HIRA: variants seen among roughly 807,000 people sequenced by gnomAD.
The protein encoded by HIRA is histone cell cycle regulator.
Under a neutral mutation model 126.6 loss-of-function variants are expected in HIRA, and 13 were observed. The ratio of observed to expected loss-of-function variants is 0.10; its 90% CI spans 0.07 to 0.16. HIRA has a LOEUF of 0.16. Among genes scored for constraint, HIRA ranks in the 10% least tolerant of loss-of-function variants. The probability of loss-of-function intolerance (pLI) is 1.00; values close to 1 mark genes in which losing one functional copy is unlikely to be tolerated. For synonymous variants in HIRA, 511 were observed against 520.0 expected (o/e 0.98, Z 0.24); for missense variants, 834 against 1,314.4 (o/e 0.63, Z 5.65).
intron 10 of HIRA, among the ~76,000 whole-genome samples, 172 bp from the exon 11 acceptor site, chr22:19,387,988 C>T (rs1044863428): frequency 2.0e-5 from 3 of 150,852 alleles, no homozygotes; most frequent in South Asian, 4.2e-4. Context: ...GGGGAGGGGG[C>T]GACAATTGTA....
chr22:19,345,505 C>T (rs2088676221), intron 24 of HIRA, among the ~76,000 whole-genome samples: 1 of 152,178 alleles, frequency 6.6e-6, no homozygotes, highest in African/African-American at 2.4e-5. Flanking sequence ...AGCAGCAGTC[C>T]CCAACCTTTT....
chr22:19,370,061 G>C (rs2088951340), intron 15 of HIRA, among the ~76,000 whole-genome samples: 1 of 152,114 alleles, frequency 6.6e-6, no homozygotes, highest in Non-Finnish European at 1.5e-5. Context: ...TGCAATCTCT[G>C]CCTCCTGGGT....
rs1556009634 is a variant in HIRA, at chr22:19,348,547, G to A, written c.2937+2811C>T. On this transcript the variant is annotated intron_variant, in intron 24 of 24. Coordinates refer to ENST00000263208, the MANE Select transcript of HIRA (RefSeq NM_003325.4). The stretch of plus-strand genomic sequence containing the variant: ...GTCTCACCCTGTCGCCTGGGCTGGT[G>A]TGCAATGGCGCGATCTCGGCTCACT... Among the ~76,000 whole-genome samples the A allele has an allele frequency of 2.0e-5, 3 of 151,600 alleles. No individual in the cohort carries two copies. The South Asian group carries it at 6.2e-4, about 31-fold the overall frequency.
Position 19,375,406 on chromosome 22 carries a change from C to T in HIRA, c.1775+225G>A, listed in dbSNP as rs149873583. ...GCCTTTGACCTTGTGGTTCTTTTGC[C>T]GCGTCCTCCCCCATGACTCCTTCCA... On this transcript the variant is annotated intron_variant, in intron 15 of 24. Coordinates refer to ENST00000263208, the MANE Select transcript of HIRA (RefSeq NM_003325.4). Among the ~76,000 whole-genome samples, 732 of 152,292 alleles carry T rather than the reference C, an allele frequency of 4.8e-3. 24 individuals carry two copies. Among genetic ancestry groups the T allele is most frequent in the Admixed American group, 0.044 (670 of 15,304 alleles).
At chr22:19,424,546 T>C (rs1280080058) in intron 1 of HIRA, among the ~76,000 whole-genome samples, 1 of 152,214 alleles carries the variant, frequency 6.6e-6, no homozygotes, top group Non-Finnish European at 1.5e-5. Flanking sequence ...CCTGGTCCCA[T>C]GCTGTACCAC....
At chr22:19,385,096 T>C (rs1342542274) in intron 12 of HIRA, among the ~76,000 whole-genome samples, 4 of 152,156 alleles carry the variant, frequency 2.6e-5, no homozygotes, top group Non-Finnish European at 5.9e-5. Flanking sequence ...GGAGATGGTT[T>C]ATACTCCCCA....
At chr22:19,377,372 T>G (rs2089029320) in intron 14 of HIRA, among the ~76,000 whole-genome samples, 1 of 152,182 alleles carries the variant, frequency 6.6e-6, no homozygotes, top group African/African-American at 2.4e-5. Flanking sequence ...GCCTGGTTCT[T>G]TCTGATTTCT....
At chr22:19,422,336 C>T (rs1269738404) in intron 1 of HIRA, among the ~76,000 whole-genome samples, 1 of 151,960 alleles carries the variant, frequency 6.6e-6, no homozygotes, top group East Asian at 1.9e-4. Flanking sequence ...CATCACCATC[C>T]TGATCCAGAC....
At position 19,408,589 on chromosome 22, in the gene HIRA, C is replaced by T. The variant is rs754615901; in HGVS notation, c.105G>A (p.Gln35=). Residue 35 remains glutamine (Q), a synonymous_variant, in exon 3 of 25, where the codon CAG becomes CAA. Coordinates refer to ENST00000263208, the MANE Select transcript of HIRA (RefSeq NM_003325.4). ...GTKFATGGQG[Q]DSGKVVIWNM... ...TCCAGATCACAACCTTCCCAGAATC[C>T]TGCCCTGGAACAAAGGAGCAGAAAT... 8 of 1,601,290 alleles carry T rather than the reference C, an allele frequency of 5.0e-6. No homozygotes were observed. The highest frequency in any genetic ancestry group is 6.8e-6 in the Non-Finnish European group (8 of 1,168,466).
At chr22:19,373,030 C>G (rs1338537076) in intron 15 of HIRA, among the ~76,000 whole-genome samples, 2 of 152,118 alleles carry the variant, frequency 1.3e-5, no homozygotes, top group East Asian at 3.9e-4. Flanking sequence ...TTGATGAAGT[C>G]CAATTTATCG....
In HIRA at chr22:19,331,050, C is replaced by A. The variant is rs1418491244; in HGVS notation, c.*390G>T. On this transcript the variant is annotated 3_prime_UTR_variant, in exon 25 of 25. Coordinates refer to ENST00000263208, the MANE Select transcript of HIRA (RefSeq NM_003325.4). ...AGTCTGCTGTAATACCTAACGCTTC[C>A]GGATTCTCTCTCACAAATGGCTCAA... The A allele has an allele frequency of 1.9e-5, 18 of 949,792 alleles. No individual in the cohort carries two copies. Among genetic ancestry groups the A allele is most frequent in the African/African-American group, 1.2e-4 (7 of 58,170 alleles). The allele number at this position is 949,792 out of a possible 1,614,324, so 58.8% of individuals were successfully genotyped here.
chr22:19,408,658 G>A, intron 2 of HIRA, 65 bp from the exon 3 acceptor site: 3 of 893,028 alleles, frequency 3.4e-6, no homozygotes, highest in Non-Finnish European at 5.6e-6. Flanking sequence ...AATATTTAAT[G>A]TCAAATTAAA....
chr22:19,363,546 G>T (rs1396707615), intron 15 of HIRA, among the ~76,000 whole-genome samples: 1 of 152,214 alleles, frequency 6.6e-6, no homozygotes, highest in East Asian at 1.9e-4. Flanking sequence ...AAGATCAGTG[G>T]TTTCCAGGGG....
intron 18 of HIRA, among the ~76,000 whole-genome samples, chr22:19,357,728 C>G (rs1556013123): frequency 6.6e-6 from 1 of 152,112 alleles, no homozygotes; most frequent in South Asian, 2.1e-4. Context: ...GATGTACAGC[C>G]AGTACAGTGA....
At chr22:19,380,782 C>G (rs2089065827) in intron 13 of HIRA, among the ~76,000 whole-genome samples, 1 of 152,126 alleles carries the variant, frequency 6.6e-6, no homozygotes, top group Non-Finnish European at 1.5e-5. Flanking sequence ...CACCACCACT[C>G]CCAGCTAATT....
intron 2 of HIRA, among the ~76,000 whole-genome samples, chr22:19,410,110 A>G (rs2089340429): frequency 6.6e-6 from 1 of 152,210 alleles, no homozygotes; most frequent in Non-Finnish European, 1.5e-5. Context: ...TTGTGTCACT[A>G]TATATACATC....
chr22:19,378,127 T>A, intron 13 of HIRA, 61 bp from the exon 14 acceptor site: 1 of 1,279,884 alleles, frequency 7.8e-7, no homozygotes, highest in Non-Finnish European at 1.0e-6. Context: ...CAGTACTTTA[T>A]ACATTCAAAT....
At chr22:19,369,916 G>A (rs570625692) in intron 15 of HIRA, among the ~76,000 whole-genome samples, 4 of 152,292 alleles carry the variant, frequency 2.6e-5, no homozygotes, top group African/African-American at 4.8e-5. Context: ...GCGACACAGC[G>A]AGACTCTGTC....
chr22:19,423,292 T>C (rs1164568474), intron 1 of HIRA, among the ~76,000 whole-genome samples: 1 of 152,126 alleles, frequency 6.6e-6, no homozygotes, highest in Non-Finnish European at 1.5e-5. Flanking sequence ...GATTCCGCTA[T>C]GTGTCTCACC....
Sources: gnomAD v4.1 joint callset for allele counts (sites outside exome capture counted in the v4.1 genomes callset) on GRCh38, gnomAD v4.1.1 for gene constraint, MANE v1.5 for transcripts, NCBI Gene and HGNC (gene_info 2026-07-23, HGNC 2026-07-21) for gene names.